PRSS3: variants seen among roughly 807,000 people sequenced by gnomAD.
PRSS3 encodes the protein serine protease 3.
Under a neutral mutation model 20.8 loss-of-function variants are expected in PRSS3, and 14 were observed. The observed-to-expected ratio is 0.67, with a 90% CI of 0.44 to 1.05. The LOEUF (loss-of-function observed/expected upper bound fraction) is 1.05. Ranked by LOEUF, PRSS3 falls within the 50% of genes least tolerant of loss-of-function variation. The pLI, the probability that PRSS3 is intolerant of heterozygous loss-of-function variation, is 0.00. For missense variants in PRSS3, 237 were observed against 306.4 expected, an observed-to-expected ratio of 0.77 and a Z score of 1.69; for synonymous variants, 91 against 117.6, an observed-to-expected ratio of 0.77 and a Z score of 1.46.
intron 1 of PRSS3, among the ~76,000 whole-genome samples, chr9:33,759,495 TG>T (rs1307697633): frequency 6.6e-6 from 1 of 151,852 alleles, no homozygotes; most frequent in Non-Finnish European, 1.5e-5. Flanking sequence ...GGGGCAATGG[TG>T]AGGGGAGAAG....
chr9:33,779,890 A>AC (rs1824108434), intron 1 of PRSS3, among the ~76,000 whole-genome samples: 1 of 150,686 alleles, frequency 6.6e-6, no homozygotes, highest in Non-Finnish European at 1.5e-5. Flanking sequence ...AAAAAAAAAA[A>AC]AAAAAACCTC....
upstream of PRSS3, among the ~76,000 whole-genome samples, chr9:33,794,146 T>C (rs1194839560): frequency 6.6e-6 from 1 of 152,234 alleles, no homozygotes; most frequent in Non-Finnish European, 1.5e-5. Flanking sequence ...TCCATTTGCT[T>C]CCTCCCTCTA....
chr9:33,772,387 T>C (rs1823749260), intron 1 of PRSS3, among the ~76,000 whole-genome samples: 1 of 152,104 alleles, frequency 6.6e-6, no homozygotes, highest in Admixed American at 6.5e-5. Context: ...CTTTGGAGGA[T>C]GTTCAGCAGT....
chr9:33,770,661 T>C, intron 1 of PRSS3, among the ~76,000 whole-genome samples: 1 of 152,176 alleles, frequency 6.6e-6, no homozygotes, highest in East Asian at 1.9e-4. Flanking sequence ...GTATGAGTAA[T>C]GTCCTCATAA....
At chr9:33,763,496 G>C (rs1432463552) in intron 1 of PRSS3, among the ~76,000 whole-genome samples, 1 of 151,918 alleles carries the variant, frequency 6.6e-6, no homozygotes. Context: ...TCAGGAGATC[G>C]AGACCATCCT....
intron 1 of PRSS3, among the ~76,000 whole-genome samples, chr9:33,755,835 C>G (rs1288253312): frequency 1.3e-5 from 2 of 152,170 alleles, no homozygotes; most frequent in Non-Finnish European, 2.9e-5. Flanking sequence ...AAAAGCCAGG[C>G]TGCCATCAAG....
chr9:33,787,153 T>C (rs975346311), intron 1 of PRSS3, among the ~76,000 whole-genome samples: 1 of 152,216 alleles, frequency 6.6e-6, no homozygotes, highest in African/African-American at 2.4e-5. Flanking sequence ...TTCCTTCAAG[T>C]GGCAGGGTCA....
chr9:33,753,483 A>C (rs1212830827), intron 1 of PRSS3, among the ~76,000 whole-genome samples: 1 of 152,240 alleles, frequency 6.6e-6, no homozygotes, highest in Non-Finnish European at 1.5e-5. Context: ...AGAATTTGCC[A>C]AATGTATAAA....
rs140098119 is a variant in PRSS3 at position 33,798,523 on chromosome 9, G to A, written c.492G>A (p.Pro164=). 8.6e-5 allele frequency: 135 copies of A among 1,566,672 alleles called. No homozygotes were observed. Among genetic ancestry groups the A allele is most frequent in the South Asian group, 9.1e-5 (8 of 87,522 alleles). The part of the protein sequence containing the change: ...YPDELKCLDA[P]VLTQAECKAS... ...ACGAGCTGAAGTGCCTGGATGCTCC[G>A]GTGCTGACCCAGGCTGAGTGTAAAG... The change falls in exon 4 of 5, where the codon CCG becomes CCA. Residue 164 remains proline (P), a synonymous_variant. Coordinates refer to ENST00000379405, the MANE Select transcript of PRSS3 (RefSeq NM_002771.4).
rs1221460073 is a variant in PRSS3, at chr9:33,775,046, ATTTCTTTC to A, written c.-52-19698_-52-19691del. On this transcript the variant is annotated intron_variant, in intron 1 of 5. Transcript: ENST00000342836. ...TTATGGCAGCACAAAGAGGCAGGCA[ATTTCTTTC>A]TGTAAAAAAAAAAAAAAAAGCAACA... Among the ~76,000 whole-genome samples, 4 of 144,326 alleles carry A rather than the reference ATTTCTTTC, an allele frequency of 2.8e-5. No individual in the cohort carries two copies. In the East Asian group the frequency reaches 7.9e-4, roughly 28 times the overall value. 94.7% of individuals were successfully genotyped at this position (144,326 alleles called of 152,430 possible). A position where few individuals can be genotyped will look rare whatever the true frequency, so the allele number is the denominator to read the frequency against.
At chr9:33,753,251 T>A (rs538267492) in intron 1 of PRSS3, among the ~76,000 whole-genome samples, 2 of 152,362 alleles carry the variant, frequency 1.3e-5, no homozygotes, top group East Asian at 3.9e-4. Context: ...TCATTTGGTA[T>A]ATTTCATGTC....
intron 1 of PRSS3, among the ~76,000 whole-genome samples, chr9:33,775,483 A>G (rs1490978980): frequency 1.3e-5 from 2 of 152,240 alleles, no homozygotes; most frequent in Non-Finnish European, 2.9e-5. Flanking sequence ...CAGGCCAACC[A>G]GGAATTTAAC....
intron 4 of PRSS3, 174 bp downstream of exon 4, chr9:33,798,796 C>T (rs566992865): frequency 4.1e-5 from 48 of 1,175,038 alleles, no homozygotes; most frequent in Admixed American, 7.0e-5. Flanking sequence ...CATGGAGAAA[C>T]GAGGAAGGTG....
In PRSS3 at chr9:33,797,853, G is replaced by A. The variant is rs758527671; in HGVS notation, c.225G>A (p.Glu75=). ...YKTRIQVRLG[E]HNIKVLEGNE... is the part of the protein sequence containing the mutation. ...GCCGCATCCAGGTGAGACTGGGAGA[G>A]CACAACATCAAAGTCCTGGAGGGGA... is the stretch of plus-strand genomic sequence containing the variant. Residue 75 remains glutamate, a synonymous_variant, in exon 3 of 5, where the codon GAG becomes GAA. Coordinates refer to ENST00000379405, the MANE Select transcript of PRSS3 (RefSeq NM_002771.4). The A allele has an allele frequency of 1.1e-5, 18 of 1,614,150 alleles. No homozygotes were observed. Among genetic ancestry groups the A allele is most frequent in the Non-Finnish European group, 1.5e-5 (18 of 1,180,054 alleles).
chr9:33,783,175 G>C (rs1824250115), intron 1 of PRSS3, among the ~76,000 whole-genome samples: 1 of 152,194 alleles, frequency 6.6e-6, no homozygotes, highest in South Asian at 2.1e-4. Context: ...AATTTATAAT[G>C]AAATCAGAAC....
chr9:33,755,703 G>T (rs1446867820), intron 1 of PRSS3, among the ~76,000 whole-genome samples: 2 of 152,156 alleles, frequency 1.3e-5, no homozygotes, highest in African/African-American at 4.8e-5. Context: ...TGTAGGAATT[G>T]CTACATTTTC....
intron 1 of PRSS3, among the ~76,000 whole-genome samples, chr9:33,768,046 C>G (rs1180525444): frequency 6.6e-6 from 1 of 152,170 alleles, no homozygotes; most frequent in Non-Finnish European, 1.5e-5. Flanking sequence ...GCCCTGGCAA[C>G]CAGTACAGAT....
chr9:33,798,946 G>A lies in PRSS3; in HGVS notation c.592-82G>A, dbSNP rs1413280622. The A allele has an allele frequency of 2.6e-6, 4 of 1,539,400 alleles. No individual in the cohort carries two copies. In the African/African-American group the frequency reaches 5.5e-5, roughly 21 times the overall value. ...GGAGCCACAGAGCTGGCTGGAAAGG[G>A]GTCTTTTAAGGTTCACAGTAAATGT... On this transcript the variant is annotated intron_variant, in intron 4 of 4. Coordinates refer to ENST00000379405, the MANE Select transcript of PRSS3 (RefSeq NM_002771.4).
intron 1 of PRSS3, among the ~76,000 whole-genome samples, chr9:33,752,770 A>G (rs1449374417): frequency 1.3e-5 from 2 of 152,232 alleles, no homozygotes; most frequent in Non-Finnish European, 2.9e-5. Flanking sequence ...TTGTGTAAAA[A>G]CTAAATGACC....
Sources: allele counts gnomAD v4.1 joint callset (sites outside exome capture counted in the v4.1 genomes callset), GRCh38; gene constraint gnomAD v4.1.1; transcripts MANE v1.5; gene names NCBI Gene and HGNC (gene_info 2026-07-23, HGNC 2026-07-21).